Variants in WDR31 observed in about 807,000 individuals in gnomAD.
WDR31 encodes WD repeat-containing protein 31.
A neutral mutation model predicts 47.3 loss-of-function variants in WDR31; 30 were observed. The observed-to-expected ratio is 0.63, with a 90% CI of 0.47 to 0.86. WDR31 has a LOEUF of 0.86. Ranked by LOEUF, WDR31 falls within the 40% of genes least tolerant of loss-of-function variation. The pLI, the probability that WDR31 is intolerant of heterozygous loss-of-function variation, is 0.00. For missense variants in WDR31, 406 were observed against 442.9 expected, an observed-to-expected ratio of 0.92 and a Z score of 0.75; for synonymous variants, 137 against 159.4, an observed-to-expected ratio of 0.86 and a Z score of 1.06.
At chr9:113,325,802 G>A (rs1367375261) in intron 5 of WDR31, among the ~76,000 whole-genome samples, 1 of 152,038 alleles carries the variant, frequency 6.6e-6, no homozygotes, top group African/African-American at 2.4e-5. Context: ...CAATTCTTTA[G>A]ACATAATTCT....
chr9:113,320,344 C>T lies in WDR31; in HGVS notation c.780+13G>A. 5 of 1,613,362 alleles carry T rather than the reference C, an allele frequency of 3.1e-6. No homozygotes were observed. The South Asian group carries it at 3.3e-5, about 11-fold the overall frequency. On this transcript the variant is annotated intron_variant, in intron 9 of 10. Coordinates refer to ENST00000374193, the MANE Select transcript of WDR31 (RefSeq NM_001012361.4). ...TCAGCAACCAGATACCTGGACCTCA[C>T]ACAGTCTCCTACCGTGGCTTCACAG...
intron 4 of WDR31, 29 bp downstream of exon 4, chr9:113,330,955 C>T: frequency 6.4e-7 from 1 of 1,563,678 alleles, no homozygotes; most frequent in Admixed American, 1.8e-5. Context: ...CAATAAAGTT[C>T]ATTTCCCGGG....
rs1025459351 is a variant in WDR31 at position 113,331,017 on chromosome 9, G to A, written c.216C>T (p.Asn72=). 1.9e-6 allele frequency: 3 copies of A among 1,611,984 alleles called. No individual in the cohort carries two copies. Among genetic ancestry groups the A allele is most frequent in the Middle Eastern group, 1.7e-4 (1 of 6,044 alleles). ...MDTVSVVAAL[N]SDLCVSGGKD... is the part of the protein sequence containing the mutation. ...TCCCTCCAGAGACACAAAGGTCTGA[G>A]TTCAAAGCAGCCACGACAGAGACGG... The change falls in exon 4 of 11, where the codon AAC becomes AAT. Residue 72 remains asparagine (N), a synonymous_variant. Transcript: ENST00000374193.
chr9:113,323,636 T>TC (rs527703458), intron 5 of WDR31, among the ~76,000 whole-genome samples: 81 of 152,364 alleles, frequency 5.3e-4, no homozygotes, highest in African/African-American at 1.8e-3. Context: ...AGTCTGAATT[T>TC]CCACCTTTAT....
chr9:113,313,875 AATGG>A lies in WDR31; in HGVS notation c.*2870_*2873del, dbSNP rs1833127909. On this transcript the variant is annotated 3_prime_UTR_variant, in exon 11 of 11. Transcript: ENST00000374193. ...AAAGGTTTAGAGGATAAGATCTAAGAATGGATGAAGGAGGCCGGGCGCAGTGGCT... is the reference window on the plus strand; with the variant it reads ...AAAGGTTTAGAGGATAAGATCTAAGAATGAAGGAGGCCGGGCGCAGTGGCT... 6.6e-6 allele frequency: 1 copy of A among 152,230 alleles called. No homozygotes were observed. The highest frequency in any genetic ancestry group is 1.5e-5 in the Non-Finnish European group (1 of 68,088). 9.4% of individuals were successfully genotyped at this position (152,230 alleles called of 1,614,324 possible). A position where few individuals can be genotyped will look rare whatever the true frequency, so the allele number is the denominator to read the frequency against.
At chr9:113,330,123 C>G (rs1252186869) in intron 4 of WDR31, among the ~76,000 whole-genome samples, 2 of 152,046 alleles carry the variant, frequency 1.3e-5, no homozygotes, top group African/African-American at 4.8e-5. Context: ...TTTTTTGAGA[C>G]AGAGTCTTGC....
At position 113,323,064 on chromosome 9, in the gene WDR31, C is replaced by T. The variant is rs745322202; in HGVS notation, c.416G>A (p.Arg139Lys). 1.1e-5 allele frequency: 17 copies of T among 1,614,066 alleles called. No homozygotes were observed. The East Asian group carries it at 3.3e-4, about 32-fold the overall frequency. ...MWDLHGSSQP[R>K]QQLCGHAMVV... The stretch of plus-strand genomic sequence containing the variant: ...CATGGCATGGCCACACAATTGCTGC[C>T]TTGGTTGTGAGGAACCGTGCAAGTC... The change falls in exon 6 of 11, where the codon AGG becomes AAG. Residue 139 changes from arginine (R) to lysine (K), a missense_variant. Arg to Lys is a conservative substitution (Grantham distance 26). Coordinates refer to ENST00000374193, the MANE Select transcript of WDR31 (RefSeq NM_001012361.4).
At chr9:113,318,287 A>G (rs1833251138) in intron 10 of WDR31, among the ~76,000 whole-genome samples, 188 bp downstream of exon 10, 1 of 152,260 alleles carries the variant, frequency 6.6e-6, no homozygotes, top group Non-Finnish European at 1.5e-5. Flanking sequence ...GTTCTCAGGA[A>G]TGAGTCTATA....
In WDR31 at chr9:113,314,199, G is replaced by GTTTATTTTAT. The variant is rs71367716; in HGVS notation, c.*2540_*2549dup. On this transcript the variant is annotated 3_prime_UTR_variant, in exon 11 of 11. Transcript: ENST00000374193. ...AAAAAAGGATCAAGGAATGGTAAAC[G>GTTTATTTTAT]TTTATTTTATTTTATTTTATTTTAT... is the stretch of plus-strand genomic sequence containing the variant. The GTTTATTTTAT allele has an allele frequency of 2.2e-5, 3 of 134,008 alleles. No homozygotes were observed. The highest frequency in any genetic ancestry group is 2.3e-4 in the East Asian group (1 of 4,442). 8.3% of individuals were successfully genotyped at this position (134,008 alleles called of 1,614,324 possible).
chr9:113,323,285 G>C, intron 5 of WDR31, 130 bp from the exon 6 acceptor site: 3 of 1,186,608 alleles, frequency 2.5e-6, no homozygotes, highest in Non-Finnish European at 2.3e-6. Flanking sequence ...TTTTTGAGAC[G>C]GAGTCTCACT....
intron 4 of WDR31, among the ~76,000 whole-genome samples, chr9:113,329,912 C>T (rs929819652): frequency 1.1e-4 from 17 of 151,850 alleles, no homozygotes; most frequent in African/African-American, 3.9e-4. Context: ...ACCCAGGAGG[C>T]GGAGGTTGTG....
chr9:113,316,630 G>A lies in WDR31; in HGVS notation c.*119C>T. Reference sequence around the variant, plus strand: ...TACAACACTGATACATCTTGTAAATGAACCTAAGCAAAGAATACCAGCCCT... The same window carrying A: ...TACAACACTGATACATCTTGTAAATAAACCTAAGCAAAGAATACCAGCCCT... On this transcript the variant is annotated 3_prime_UTR_variant, in exon 11 of 11. Transcript: ENST00000374193. The A allele has an allele frequency of 3.2e-6, 4 of 1,253,020 alleles. No individual in the cohort carries two copies. The highest frequency in any genetic ancestry group is 4.4e-6 in the Non-Finnish European group (4 of 914,084). The allele number at this position is 1,253,020 out of a possible 1,614,324, so 77.6% of individuals were successfully genotyped here.
At chr9:113,331,197 G>A (rs1359652475) in intron 3 of WDR31, 81 bp from the exon 4 acceptor site, 4 of 1,197,026 alleles carry the variant, frequency 3.3e-6, no homozygotes, top group Non-Finnish European at 4.5e-6. Context: ...GGAGAAGAAT[G>A]TGGGTTAAGA....
intron 9 of WDR31, among the ~76,000 whole-genome samples, chr9:113,319,644 A>T (rs1018857038): frequency 6.6e-6 from 1 of 152,194 alleles, no homozygotes; most frequent in Non-Finnish European, 1.5e-5. Flanking sequence ...GGTGCTTTGG[A>T]GGAGCCTAGG....
At position 113,331,092 on chromosome 9, in the gene WDR31, C is replaced by T. The variant is rs1431135738; in HGVS notation, c.141G>A (p.Glu47=). 2 of 1,506,310 alleles carry T rather than the reference C, an allele frequency of 1.3e-6. No homozygotes were observed. Among genetic ancestry groups the T allele is most frequent in the Non-Finnish European group, 1.8e-6 (2 of 1,113,352 alleles). The allele number at this position is 1,506,310 out of a possible 1,614,324, so 93.3% of individuals were successfully genotyped here. ...KYGRPDEIIE[E]RIQTKAFQEY... ...CTTGAAAAGCTTTAGTTTGAATTCT[C>T]TCTTCTATAATTTCATCAGGCCTGC... Residue 47 remains glutamate, a synonymous_variant, in exon 4 of 11, where the codon GAG becomes GAA. Coordinates refer to ENST00000374193, the MANE Select transcript of WDR31 (RefSeq NM_001012361.4).
chr9:113,323,901 T>C (rs1006877005), intron 5 of WDR31, among the ~76,000 whole-genome samples: 3 of 152,252 alleles, frequency 2.0e-5, no homozygotes, highest in African/African-American at 7.2e-5. Context: ...TTCCATTTTA[T>C]GCTTTTTACC....
intron 7 of WDR31, among the ~76,000 whole-genome samples, chr9:113,322,010 C>A (rs1833335885): frequency 6.6e-6 from 1 of 152,042 alleles, no homozygotes; most frequent in Non-Finnish European, 1.5e-5. Context: ...ACAGGATTTT[C>A]TTTTCTTCCA....
intron 9 of WDR31, among the ~76,000 whole-genome samples, chr9:113,319,664 C>T (rs1235686546): frequency 1.3e-5 from 2 of 152,072 alleles, no homozygotes; most frequent in Non-Finnish European, 2.9e-5. Context: ...GCAATCTATT[C>T]CAAAATTAAA....
intron 5 of WDR31, among the ~76,000 whole-genome samples, chr9:113,325,118 T>G (rs1833432653): frequency 6.6e-6 from 1 of 151,618 alleles, no homozygotes. Flanking sequence ...GCTAATTCTT[T>G]TTTTTTTTTA....
Sources: allele counts gnomAD v4.1 joint callset (sites outside exome capture counted in the v4.1 genomes callset), GRCh38; gene constraint gnomAD v4.1.1; transcripts MANE v1.5; gene names NCBI Gene and HGNC (gene_info 2026-07-23, HGNC 2026-07-21).